The following WWP2 variants were observed in gnomAD, a reference collection of about 807,000 sequenced individuals.
WWP2 encodes the protein WW domain containing E3 ubiquitin protein ligase 2.
WWP2 carries 57 observed loss-of-function variants against 121.0 expected under a neutral mutation model. The ratio of observed to expected loss-of-function variants is 0.47; its 90% CI spans 0.38 to 0.59. The LOEUF is 0.59. WWP2 is among the 20% of genes least tolerant of loss of function. The pLI, the probability that WWP2 is intolerant of heterozygous loss-of-function variation, is 0.00. For synonymous variants in WWP2, 449 were observed against 441.3 expected (o/e 1.02, Z -0.22); for missense variants, 962 against 1,158.9 (o/e 0.83, Z 2.47).
Position 69,924,893 on chromosome 16 carries a change from G to A in WWP2, c.1180-537G>A, listed in dbSNP as rs1156330739. 21 of 984,190 alleles carry A rather than the reference G, an allele frequency of 2.1e-5. No homozygotes were observed. The East Asian group carries it at 3.4e-4, about 16-fold the overall frequency. 61.0% of individuals were successfully genotyped at this position (984,190 alleles called of 1,614,324 possible). A position where few individuals can be genotyped will look rare whatever the true frequency, so the allele number is the denominator to read the frequency against. Reference sequence around the variant, plus strand: ...CAGATGGGAGGTTGGGGGGGACGCCGAGGTGGAGGGAGGAGGGCCGGGCCC... The same window carrying A: ...CAGATGGGAGGTTGGGGGGGACGCCAAGGTGGAGGGAGGAGGGCCGGGCCC... On this transcript the variant is annotated intron_variant, in intron 10 of 23. Coordinates refer to ENST00000359154, the MANE Select transcript of WWP2 (RefSeq NM_001270454.2).
intron 8 of WWP2, among the ~76,000 whole-genome samples, chr16:69,906,797 T>G (rs936617746): frequency 2.0e-5 from 3 of 152,130 alleles, no homozygotes; most frequent in Admixed American, 6.5e-5. Context: ...GGGGTATCAC[T>G]TGAACCCAAG....
intron 14 of WWP2, 52 bp from the exon 15 acceptor site, chr16:69,931,457 C>G: frequency 6.2e-7 from 1 of 1,608,108 alleles, no homozygotes; most frequent in South Asian, 1.1e-5. Context: ...GACAGGAGAA[C>G]AGATGACCAC....
At chr16:69,839,269 C>A (rs899860224) in intron 4 of WWP2, among the ~76,000 whole-genome samples, 9 of 152,142 alleles carry the variant, frequency 5.9e-5, no homozygotes, top group Non-Finnish European at 2.9e-5. Context: ...TATTAAACGG[C>A]CCTGAACTGA....
chr16:69,896,656 T>C (rs940023334), intron 8 of WWP2, among the ~76,000 whole-genome samples: 3 of 151,738 alleles, frequency 2.0e-5, no homozygotes, highest in Non-Finnish European at 4.4e-5. Context: ...AGAAGAACAG[T>C]ACATAATAAC....
At chr16:69,933,034 C>T in intron 16 of WWP2, 2 of 481,258 alleles carry the variant, frequency 4.2e-6, no homozygotes, top group African/African-American at 1.9e-5. Context: ...TGGTGACCTC[C>T]TCTCCAGGCT....
intron 9 of WWP2, among the ~76,000 whole-genome samples, chr16:69,912,952 A>AT (rs2058410064): frequency 3.5e-4 from 1 of 2,856 alleles, no homozygotes; most frequent in African/African-American, 2.0e-3. Context: ...AAAAAAAAAA[A>AT]AAAATATATA....
At chr16:69,832,665 C>A (rs2056814481) in intron 4 of WWP2, among the ~76,000 whole-genome samples, 1 of 152,174 alleles carries the variant, frequency 6.6e-6, no homozygotes, top group Non-Finnish European at 1.5e-5. Context: ...GCCTCAGCCT[C>A]CCAAGTTAGC....
intron 4 of WWP2, among the ~76,000 whole-genome samples, chr16:69,802,499 A>G (rs543530705): frequency 6.6e-6 from 1 of 152,248 alleles, no homozygotes; most frequent in Non-Finnish European, 1.5e-5. Context: ...TGTTAGTGGA[A>G]CCATACAGTA....
chr16:69,923,550 A>G (rs2058595313), intron 10 of WWP2, among the ~76,000 whole-genome samples: 1 of 152,116 alleles, frequency 6.6e-6, no homozygotes, highest in Non-Finnish European at 1.5e-5. Flanking sequence ...GCAAAAGATG[A>G]CCATGCCCCT....
chr16:69,810,901 C>T (rs1157146887), intron 4 of WWP2, among the ~76,000 whole-genome samples: 1 of 151,978 alleles, frequency 6.6e-6, no homozygotes, highest in African/African-American at 2.4e-5. Flanking sequence ...ATTACAGGTT[C>T]ACACCACCAC....
chr16:69,786,599 C>G (rs1038371868), intron 1 of WWP2, among the ~76,000 whole-genome samples: 3 of 151,750 alleles, frequency 2.0e-5, no homozygotes, highest in Non-Finnish European at 4.4e-5. Context: ...TACAGGCATG[C>G]AGCACCATGC....
At position 69,937,620 on chromosome 16, in the gene WWP2, A is replaced by G; in HGVS notation, c.2311A>G (p.Lys771Glu). ...QKSTIYRHYTKNSKQIQWFWQ... is the reference protein window; with the variant it reads ...QKSTIYRHYTENSKQIQWFWQ... ...GAGCACCATCTACCGGCACTACACCAAGAACAGCAAGCAGATCCAGTGGTT... is the reference window on the plus strand; with the variant it reads ...GAGCACCATCTACCGGCACTACACCGAGAACAGCAAGCAGATCCAGTGGTT... The change falls in exon 21 of 24, where the codon AAG (lysine) becomes GAG (glutamate). Residue 771 changes from lysine to glutamate, a missense_variant. By Grantham distance (56) the Lys-to-Glu change is moderately conservative. Coordinates refer to ENST00000359154, the MANE Select transcript of WWP2 (RefSeq NM_001270454.2). This position sits in a 1 kb window ranked among gnomAD's most constrained non-coding sequence, Gnocchi z 6.6. 6.2e-7 allele frequency: 1 copy of G among 1,613,900 alleles called. No individual in the cohort carries two copies. Among genetic ancestry groups the G allele is most frequent in the Non-Finnish European group, 8.5e-7 (1 of 1,179,960 alleles).
intron 6 of WWP2, 36 bp from the exon 7 acceptor site, chr16:69,871,768 A>T: frequency 6.2e-7 from 1 of 1,612,878 alleles, no homozygotes; most frequent in Non-Finnish European, 8.5e-7. Context: ...TTTCACAGTG[A>T]CTTATGTCTG....
At chr16:69,808,695 C>T (rs1289538635) in intron 4 of WWP2, among the ~76,000 whole-genome samples, 2 of 152,268 alleles carry the variant, frequency 1.3e-5, no homozygotes, top group Non-Finnish European at 2.9e-5. Flanking sequence ...AGCCACTGCG[C>T]CCGGCCATGG....
chr16:69,770,111 C>T (rs1034039680), intron 1 of WWP2, among the ~76,000 whole-genome samples: 4 of 152,166 alleles, frequency 2.6e-5, no homozygotes, highest in African/African-American at 9.7e-5. Flanking sequence ...ATCTGTCTGC[C>T]TTGGCCTCCC....
intron 1 of WWP2, among the ~76,000 whole-genome samples, chr16:69,775,639 CCTAT>C (rs2055510722): frequency 6.6e-6 from 1 of 152,142 alleles, no homozygotes; most frequent in African/African-American, 2.4e-5. Flanking sequence ...TAAAATCTGT[CCTAT>C]CTGAGTCAGG....
intron 4 of WWP2, among the ~76,000 whole-genome samples, chr16:69,816,402 C>T (rs1010241064): frequency 5.3e-5 from 8 of 149,882 alleles, no homozygotes; most frequent in Non-Finnish European, 1.0e-4. Flanking sequence ...GGCAACATAA[C>T]GAGACCCACC....
chr16:69,887,982 T>C, intron 7 of WWP2, 57 bp from the exon 8 acceptor site: 3 of 1,592,946 alleles, frequency 1.9e-6, no homozygotes, highest in Non-Finnish European at 2.6e-6. Flanking sequence ...ACCTAGCAAG[T>C]ATAAATAAAA....
chr16:69,930,863 C>A (rs962361050), intron 13 of WWP2, among the ~76,000 whole-genome samples: 1 of 152,132 alleles, frequency 6.6e-6, no homozygotes, highest in Non-Finnish European at 1.5e-5. Context: ...CAGAGCAAGA[C>A]CCCGTCTCTA....
Sources: allele counts gnomAD v4.1 joint callset (sites outside exome capture counted in the v4.1 genomes callset), GRCh38; gene constraint gnomAD v4.1.1; non-coding constraint Gnocchi (gnomAD v3.1); transcripts MANE v1.5; gene names NCBI Gene and HGNC (gene_info 2026-07-23, HGNC 2026-07-21).